Variants in JRK observed in about 807,000 individuals in gnomAD.
The protein encoded by JRK is jerky protein homolog.
For synonymous variants in JRK, 303 were observed against 218.1 expected (o/e 1.39, Z -3.43); for missense variants, 720 against 509.2 (o/e 1.41, Z -3.98).
rs782289704 is a variant in JRK at position 142,664,945 on chromosome 8, C to T, written c.1114G>A (p.Ala372Thr). ...AIFSVACAWN[A>T]VPSHVFRRAW... The stretch of plus-strand genomic sequence containing the variant: ...CGCCTGAAGACGTGGCTAGGGACTG[C>T]GTTCCAGGCACAGGCCACGCTGAAT... Residue 372 changes from alanine to threonine, a missense_variant, in exon 2 of 2, where the codon GCA (alanine) becomes ACA (threonine). Physicochemically the swap from Ala to Thr is moderately conservative, Grantham distance 58. Coordinates refer to ENST00000612905, the MANE Select transcript of JRK (RefSeq NM_003724.4). 8.5e-6 allele frequency: 7 copies of T among 819,762 alleles called. No individual in the cohort carries two copies. The highest frequency in any genetic ancestry group is 2.8e-5 in the South Asian group (2 of 72,166). 50.8% of individuals were successfully genotyped at this position (819,762 alleles called of 1,614,324 possible). A position where few individuals can be genotyped will look rare whatever the true frequency, so the allele number is the denominator to read the frequency against.
chr8:142,667,990 C>T (rs868984602), intron 1 of JRK, among the ~76,000 whole-genome samples: 4 of 152,368 alleles, frequency 2.6e-5, no homozygotes, highest in Admixed American at 1.3e-4. Flanking sequence ...TAAGACACTG[C>T]TGAGGGTGGT....
At position 142,658,605 on chromosome 8, in the gene JRK, T is replaced by C; in HGVS notation, c.*5747A>G. ...CTTTTCTTATAAGGACTCGATCTCATCGGCGAGCCCCACCCTCACGATCTC... is the reference window on the plus strand; with the variant it reads ...CTTTTCTTATAAGGACTCGATCTCACCGGCGAGCCCCACCCTCACGATCTC... On this transcript the variant is annotated 3_prime_UTR_variant, in exon 2 of 2. Transcript: ENST00000612905. 2 of 384,708 alleles carry C rather than the reference T, an allele frequency of 5.2e-6. No individual in the cohort carries two copies. Among genetic ancestry groups the C allele is most frequent in the Non-Finnish European group, 9.3e-6 (2 of 215,878 alleles). The allele number at this position is 384,708 out of a possible 1,614,324, so 23.8% of individuals were successfully genotyped here.
In JRK at chr8:142,662,198, G is replaced by A; in HGVS notation, c.*2154C>T. The A allele has an allele frequency of 1.0e-6, 1 of 985,796 alleles. No individual in the cohort carries two copies. Among genetic ancestry groups the A allele is most frequent in the Non-Finnish European group, 1.2e-6 (1 of 830,202 alleles). 61.1% of individuals were successfully genotyped at this position (985,796 alleles called of 1,614,324 possible). ...GCCCAGCACAGTCAGCACAAGAGCA[G>A]ATCAAGAACGGGAAGAGCTCAGGTC... On this transcript the variant is annotated 3_prime_UTR_variant, in exon 2 of 2. Transcript: ENST00000612905.
chr8:142,664,187 C>G lies in JRK; in HGVS notation c.*165G>C. Reference sequence around the variant, plus strand: ...TATTGACAGGAACCTCGGGCACAGACCGTCCTGGGCACCCGAGCCACACCC... The same window carrying G: ...TATTGACAGGAACCTCGGGCACAGAGCGTCCTGGGCACCCGAGCCACACCC... On this transcript the variant is annotated 3_prime_UTR_variant, in exon 2 of 2. Transcript: ENST00000612905. 7.2e-7 allele frequency: 1 copy of G among 1,383,834 alleles called. No homozygotes were observed. The highest frequency in any genetic ancestry group is 9.4e-7 in the Non-Finnish European group (1 of 1,068,168). The allele number at this position is 1,383,834 out of a possible 1,614,324, so 85.7% of individuals were successfully genotyped here.
rs782382933 is a variant in JRK, at chr8:142,664,329, G to A, written c.*23C>T. 7 of 1,532,180 alleles carry A rather than the reference G, an allele frequency of 4.6e-6. No homozygotes were observed. The highest frequency in any genetic ancestry group is 6.2e-6 in the Non-Finnish European group (7 of 1,137,614). The allele number at this position is 1,532,180 out of a possible 1,614,324, so 94.9% of individuals were successfully genotyped here. A position where few individuals can be genotyped will look rare whatever the true frequency, so the allele number is the denominator to read the frequency against. On this transcript the variant is annotated 3_prime_UTR_variant, in exon 2 of 2. Coordinates refer to ENST00000612905, the MANE Select transcript of JRK (RefSeq NM_003724.4). ...GGTGTGGGGAGAAACAGGGCCAGTG[G>A]CCAGGGCAGGGCAGAGAAGCCATCA...
the JRK span, among the ~76,000 whole-genome samples, chr8:142,646,173 G>C: frequency 1.3e-5 from 2 of 152,056 alleles, no homozygotes; most frequent in Non-Finnish European, 2.9e-5. Flanking sequence ...AACTACAATA[G>C]TCATCATTTA....
At position 142,663,997 on chromosome 8, in the gene JRK, C is replaced by T; in HGVS notation, c.*355G>A. ...CCACGTGGACAGACTGACATCTCCA[C>T]CCTCTGATACTGCAATGATCAGCCA... On this transcript the variant is annotated 3_prime_UTR_variant, in exon 2 of 2. Transcript: ENST00000612905. 1.9e-6 allele frequency: 2 copies of T among 1,066,602 alleles called. No homozygotes were observed. Among genetic ancestry groups the T allele is most frequent in the Non-Finnish European group, 2.3e-6 (2 of 882,592 alleles). The allele number at this position is 1,066,602 out of a possible 1,614,324, so 66.1% of individuals were successfully genotyped here.
chr8:142,655,512 T>C (rs1459762431), downstream of JRK, among the ~76,000 whole-genome samples: 1 of 152,108 alleles, frequency 6.6e-6, no homozygotes, highest in East Asian at 1.9e-4. Flanking sequence ...AAGGCAGATG[T>C]CTCCAGAGGC....
Position 142,658,806 on chromosome 8 carries a change from G to C in JRK, c.*5546C>G, listed in dbSNP as rs376748475. 559 of 1,584,604 alleles carry C rather than the reference G, an allele frequency of 3.5e-4. No homozygotes were observed. The highest frequency in any genetic ancestry group is 3.0e-4 in the Non-Finnish European group (354 of 1,165,252). ...CCATAACCTCAAGGGCACTGGTGGG[G>C]ACAGAGGGGTCTTACCCAGCACTGC... On this transcript the variant is annotated 3_prime_UTR_variant, in exon 2 of 2. Coordinates refer to ENST00000612905, the MANE Select transcript of JRK (RefSeq NM_003724.4).
chr8:142,661,449 G>C lies in JRK; in HGVS notation c.*2903C>G. 3.0e-6 allele frequency: 3 copies of C among 985,532 alleles called. No individual in the cohort carries two copies. The highest frequency in any genetic ancestry group is 3.6e-6 in the Non-Finnish European group (3 of 830,014). The allele number at this position is 985,532 out of a possible 1,614,324, so 61.0% of individuals were successfully genotyped here. On this transcript the variant is annotated 3_prime_UTR_variant, in exon 2 of 2. Coordinates refer to ENST00000612905, the MANE Select transcript of JRK (RefSeq NM_003724.4). ...GAGCACTCAGGGGTGCCACCCCAAA[G>C]ATGAAGGCAGTGGTGGAAAGAGGTT...
chr8:142,669,163 A>AGTGTGTGTGTGTGTGTGTGTGT (rs59300327), intron 1 of JRK, among the ~76,000 whole-genome samples: 1 of 136,122 alleles, frequency 7.3e-6, no homozygotes, highest in African/African-American at 2.8e-5. Flanking sequence ...GCAGGGGCAT[A>AGTGTGTGTGTGTGTGTGTGTGT]GTGTGTGTGT....
the JRK span, among the ~76,000 whole-genome samples, chr8:142,647,427 CAT>C: frequency 6.4e-3 from 975 of 152,302 alleles, 4 homozygotes; most frequent in African/African-American, 0.02. Flanking sequence ...ACAATTCCCA[CAT>C]GTTATGGGAG....
chr8:142,648,489 G>A, the JRK span, among the ~76,000 whole-genome samples: 1 of 152,258 alleles, frequency 6.6e-6, no homozygotes, highest in South Asian at 2.1e-4. Flanking sequence ...CCAACATAGA[G>A]CTCAGGTCAT....
rs1177766644 is a variant in JRK at position 142,659,292 on chromosome 8, G to C, written c.*5060C>G. 8 of 1,052,770 alleles carry C rather than the reference G, an allele frequency of 7.6e-6. No homozygotes were observed. The highest frequency in any genetic ancestry group is 9.2e-6 in the Non-Finnish European group (8 of 870,996). 65.2% of individuals were successfully genotyped at this position (1,052,770 alleles called of 1,614,324 possible). ...TTGGGGTGGCTTAGGACCAGGGCAA[G>C]ACGCCTGACCCCAGAGCAGACCATG... is the stretch of plus-strand genomic sequence containing the variant. On this transcript the variant is annotated 3_prime_UTR_variant, in exon 2 of 2. Transcript: ENST00000612905.
At position 142,657,929 on chromosome 8, in the gene JRK, C is replaced by T. The variant is rs13248524; in HGVS notation, c.*6423G>A. 90,836 of 152,206 alleles carry T rather than the reference C, an allele frequency of 0.6. 28,417 individuals carry two copies. Among genetic ancestry groups the T allele is most frequent in the Admixed American group, 0.69 (10,569 of 15,286 alleles). 9.4% of individuals were successfully genotyped at this position (152,206 alleles called of 1,614,324 possible). On this transcript the variant is annotated 3_prime_UTR_variant, in exon 2 of 2. Transcript: ENST00000612905. Reference sequence around the variant, plus strand: ...GTGCAAGCACTGAACTGCTATCTTGCGTACACAACTCCAGGGTCCCTCTGT... The same window carrying T: ...GTGCAAGCACTGAACTGCTATCTTGTGTACACAACTCCAGGGTCCCTCTGT...
chr8:142,664,786 C>T lies in JRK; in HGVS notation c.1273G>A (p.Gly425Ser), dbSNP rs781954652. The T allele has an allele frequency of 3.1e-6, 5 of 1,591,402 alleles. No homozygotes were observed. Among genetic ancestry groups the T allele is most frequent in the South Asian group, 2.3e-5 (2 of 87,848 alleles). Residue 425 changes from glycine (G) to serine (S), a missense_variant, in exon 2 of 2, where the codon GGC becomes AGC. Transcript: ENST00000612905. ...FAHILELVKE[G>S]SSCPGQLRQR... ...CGAAGCTGGCCCGGGCAGGAGGAGC[C>T]TTCCTTCACAAGCTCCAGGATGTGT...
chr8:142,647,278 T>A, the JRK span, among the ~76,000 whole-genome samples: 51 of 152,052 alleles, frequency 3.4e-4, no homozygotes, highest in South Asian at 0.01. Context: ...TTTTTCTTAA[T>A]GAAAAAAAAT....
In JRK at chr8:142,659,126, GCCAAGTC is replaced by G; in HGVS notation, c.*5219_*5225del. ...GAAATAGAAAAAAGGCTGGCCAGGT[GCCAAGTC>G]CCAGCTCAAGCCTGGCAGCTCCTCC... On this transcript the variant is annotated 3_prime_UTR_variant, in exon 2 of 2. Coordinates refer to ENST00000612905, the MANE Select transcript of JRK (RefSeq NM_003724.4). 7.4e-7 allele frequency: 1 copy of G among 1,352,532 alleles called. No individual in the cohort carries two copies. Among genetic ancestry groups the G allele is most frequent in the Non-Finnish European group, 9.5e-7 (1 of 1,050,032 alleles). The allele number at this position is 1,352,532 out of a possible 1,614,324, so 83.8% of individuals were successfully genotyped here. A position where few individuals can be genotyped will look rare whatever the true frequency, so the allele number is the denominator to read the frequency against.
the JRK span, among the ~76,000 whole-genome samples, chr8:142,651,191 A>T: frequency 6.6e-6 from 1 of 152,174 alleles, no homozygotes. Context: ...CAAAAACATG[A>T]AGGTCCTTTA....
Sources: allele counts gnomAD v4.1 joint callset (sites outside exome capture counted in the v4.1 genomes callset), GRCh38; gene constraint gnomAD v4.1.1; transcripts MANE v1.5; gene names NCBI Gene and HGNC (gene_info 2026-07-23, HGNC 2026-07-21).